The following NRXN1 variants were observed in gnomAD, a reference collection of about 807,000 sequenced individuals.
The protein encoded by NRXN1 is neurexin-1.
In NRXN1, 39 loss-of-function variants were observed where a neutral mutation model predicts 150.9. The observed-to-expected ratio is 0.26, with a 90% CI of 0.20 to 0.34. NRXN1 has a LOEUF of 0.34. Among genes scored for constraint, NRXN1 ranks in the 10% least tolerant of loss-of-function variants. The pLI is 1.00. For missense variants in NRXN1, 1,815 were observed against 1,949.9 expected, an observed-to-expected ratio of 0.93 and a Z score of 1.30; for synonymous variants, 924 against 757.0, an observed-to-expected ratio of 1.22 and a Z score of -3.62.
Position 50,329,967 on chromosome 2 carries a change from C to T in NRXN1, c.3365-92997G>A, listed in dbSNP as rs1052650637. 3.0e-4 allele frequency among the ~76,000 whole-genome samples: 46 copies of T among 151,654 alleles called. 1 individual carries two copies. Among genetic ancestry groups the T allele is most frequent in the African/African-American group, 9.4e-4 (39 of 41,370 alleles). ...GATTACAGGCGTGAGCCACTGCACC[C>T]GGCCAGTGTTTATAAAATTTTTAAT... On this transcript the variant is annotated intron_variant, in intron 17 of 22. Transcript: ENST00000401669.
intron 5 of NRXN1, among the ~76,000 whole-genome samples, chr2:50,664,179 T>G (rs1687685942): frequency 6.6e-6 from 1 of 151,894 alleles, no homozygotes; most frequent in South Asian, 2.1e-4. Context: ...ATATTAAAAT[T>G]TATTGCAGAA....
At chr2:50,112,568 C>T (rs749001341) in intron 18 of NRXN1, among the ~76,000 whole-genome samples, 1 of 152,176 alleles carries the variant, frequency 6.6e-6, no homozygotes, top group Non-Finnish European at 1.5e-5. Context: ...CTTTGAAATA[C>T]ACTTTTAAAA....
intron 5 of NRXN1, among the ~76,000 whole-genome samples, chr2:50,690,454 C>G (rs1395873912): frequency 6.6e-6 from 1 of 152,164 alleles, no homozygotes; most frequent in Non-Finnish European, 1.5e-5. Context: ...GTCGAATTCT[C>G]TAATCCATCA....
chr2:49,930,881 C>T (rs1370803572), intron 22 of NRXN1, among the ~76,000 whole-genome samples: 1 of 152,210 alleles, frequency 6.6e-6, no homozygotes, highest in Non-Finnish European at 1.5e-5. Context: ...AACTGTGTGG[C>T]TCACACCTGC....
chr2:50,297,692 G>C (rs1407353612), intron 17 of NRXN1, among the ~76,000 whole-genome samples: 1 of 152,112 alleles, frequency 6.6e-6, no homozygotes, highest in Admixed American at 6.6e-5. Context: ...AAGTTCCTGG[G>C]ATAACTGTTT....
chr2:49,999,318 T>C (rs1340715912), intron 21 of NRXN1, among the ~76,000 whole-genome samples: 1 of 152,180 alleles, frequency 6.6e-6, no homozygotes, highest in African/African-American at 2.4e-5. Context: ...TATCTTTATA[T>C]CCCTGACACC....
chr2:50,404,601 T>C (rs1055015899), intron 17 of NRXN1, among the ~76,000 whole-genome samples: 3 of 152,138 alleles, frequency 2.0e-5, no homozygotes, highest in Non-Finnish European at 4.4e-5. Flanking sequence ...ACCTAAACTA[T>C]AGGCTCTAGC....
intron 17 of NRXN1, among the ~76,000 whole-genome samples, chr2:50,324,606 A>G (rs2076267439): frequency 6.6e-6 from 1 of 152,220 alleles, no homozygotes; most frequent in Non-Finnish European, 1.5e-5. Context: ...CAGTGGCGCA[A>G]TCTCGGCTCA....
chr2:50,628,992 G>C (rs1263748095), intron 5 of NRXN1, among the ~76,000 whole-genome samples: 2 of 151,676 alleles, frequency 1.3e-5, no homozygotes, highest in Non-Finnish European at 3.0e-5. Context: ...AAAATCCAGT[G>C]TCAGTGAGGA....
intron 17 of NRXN1, among the ~76,000 whole-genome samples, chr2:50,262,963 G>A (rs1221775526): frequency 2.0e-5 from 3 of 151,800 alleles, no homozygotes; most frequent in Admixed American, 1.3e-4. Context: ...CTCATTCCCT[G>A]GTAGATTAAT....
In NRXN1 at chr2:50,420,302, C is replaced by A. The variant is rs923862639; in HGVS notation, c.3364+45140G>T. On this transcript the variant is annotated intron_variant, in intron 17 of 22. Transcript: ENST00000401669. ...ACTCATTATTAATAGAAAGTGAAAT[C>A]ATTTTGATATCTACACCAGCAGTCA... Among the ~76,000 whole-genome samples the A allele has an allele frequency of 6.0e-5, 9 of 150,938 alleles. 1 individual carries two copies. In the South Asian group the frequency reaches 1.9e-3, roughly 32 times the overall value.
At chr2:49,982,476 T>TA (rs201802025) in intron 21 of NRXN1, among the ~76,000 whole-genome samples, 14 of 141,696 alleles carry the variant, frequency 9.9e-5, no homozygotes, top group South Asian at 2.2e-4. Context: ...TAAATCTACT[T>TA]AAAAAAAACA....
chr2:49,999,395 TTATA>T (rs1235984947), intron 21 of NRXN1, among the ~76,000 whole-genome samples: 1 of 152,148 alleles, frequency 6.6e-6, no homozygotes, highest in African/African-American at 2.4e-5. Context: ...CTTATGGAAT[TTATA>T]TATTTATAAC....
intron 5 of NRXN1, among the ~76,000 whole-genome samples, chr2:50,893,834 T>C (rs1681475114): frequency 6.6e-6 from 1 of 152,304 alleles, no homozygotes; most frequent in Admixed American, 6.5e-5. Context: ...TTTCCACCTA[T>C]GAGTGAGAAT....
At chr2:50,558,308 C>T (rs1668541336) in intron 8 of NRXN1, among the ~76,000 whole-genome samples, 1 of 152,136 alleles carries the variant, frequency 6.6e-6, no homozygotes, top group Non-Finnish European at 1.5e-5. Flanking sequence ...TGTTTGAATA[C>T]CTAATGACCT....
At chr2:50,607,315 T>C (rs1286478243) in intron 8 of NRXN1, among the ~76,000 whole-genome samples, 1 of 152,154 alleles carries the variant, frequency 6.6e-6, no homozygotes, top group South Asian at 2.1e-4. Flanking sequence ...CCTTTGTTCA[T>C]CTAATCACCA....
intron 21 of NRXN1, among the ~76,000 whole-genome samples, chr2:50,041,324 A>C (rs1690909503): frequency 6.6e-6 from 1 of 152,200 alleles, no homozygotes; most frequent in South Asian, 2.1e-4. Context: ...TTACATGCTT[A>C]AACTCTGCAA....
chr2:49,930,996 T>C (rs1378776826), intron 22 of NRXN1, among the ~76,000 whole-genome samples: 1 of 152,164 alleles, frequency 6.6e-6, no homozygotes, highest in South Asian at 2.1e-4. Context: ...TAGTTGGGCA[T>C]AGTGGTGCAC....
At chr2:50,105,139 A>G (rs1701462555) in intron 18 of NRXN1, 1 of 152,044 alleles carries the variant, frequency 6.6e-6, no homozygotes, top group Non-Finnish European at 1.5e-5. Flanking sequence ...TAGAAGTAGT[A>G]GGGGCCAGAT....
Sources: gnomAD v4.1 joint callset for allele counts (sites outside exome capture counted in the v4.1 genomes callset) on GRCh38, gnomAD v4.1.1 for gene constraint, MANE v1.5 for transcripts, NCBI Gene and HGNC (gene_info 2026-07-23, HGNC 2026-07-21) for gene names.